The following NRAP variants were observed in gnomAD, a reference collection of about 807,000 sequenced individuals.
The protein encoded by NRAP is nebulin related anchoring protein.
A neutral mutation model predicts 225.9 loss-of-function variants in NRAP; 189 were observed. That is an observed-to-expected ratio of 0.84 (90% CI 0.74 to 0.94). NRAP has a LOEUF of 0.94. Among genes scored for constraint, NRAP ranks in the 40% least tolerant of loss-of-function variants. NRAP has a pLI of 0.00. For synonymous variants in NRAP, 769 were observed against 790.7 expected, an observed-to-expected ratio of 0.97 and a Z score of 0.46; for missense variants, 2,176 against 2,168.7, an observed-to-expected ratio of 1.00 and a Z score of -0.07.
intron 4 of NRAP, among the ~76,000 whole-genome samples, chr10:113,656,978 G>A (rs1048527526): frequency 6.6e-6 from 1 of 152,120 alleles, no homozygotes; most frequent in African/African-American, 2.4e-5. Context: ...AAGGAATTCT[G>A]AAATGATGAG....
At chr10:113,638,371 T>C (rs1164771880) in intron 14 of NRAP, among the ~76,000 whole-genome samples, 2 of 152,224 alleles carry the variant, frequency 1.3e-5, no homozygotes, top group Admixed American at 1.3e-4. Flanking sequence ...CTCATTTTAA[T>C]TCTATTAGTG....
intron 16 of NRAP, 121 bp from the exon 17 acceptor site, chr10:113,632,085 TTA>T: frequency 1.5e-6 from 1 of 678,298 alleles, no homozygotes; most frequent in Non-Finnish European, 2.7e-6. Context: ...TCGGCTGTTG[TTA>T]TCAAAATGAT....
intron 18 of NRAP, 59 bp downstream of exon 18, chr10:113,631,450 G>A (rs2134035104): frequency 9.3e-7 from 1 of 1,072,766 alleles, no homozygotes; most frequent in Non-Finnish European, 1.4e-6. Flanking sequence ...TAGGCCCAGG[G>A]AAAACTTTTA....
intron 29 of NRAP, 39 bp from the exon 30 acceptor site, chr10:113,612,470 C>A: frequency 6.4e-7 from 1 of 1,560,038 alleles, no homozygotes; most frequent in Non-Finnish European, 8.8e-7. Context: ...TATTTCAAAG[C>A]CACTATTTGC....
chr10:113,652,341 G>T (rs1850028219), intron 6 of NRAP, among the ~76,000 whole-genome samples: 1 of 152,116 alleles, frequency 6.6e-6, no homozygotes, highest in African/African-American at 2.4e-5. Flanking sequence ...CTGACATCCA[G>T]TTAAAAATTA....
rs773251144 is a variant in NRAP, at chr10:113,612,266, A to C, written c.3466T>G (p.Cys1156Gly). The change falls in exon 30 of 42, where the codon TGT becomes GGT. Residue 1156 changes from cysteine (C) to glycine (G), a missense_variant. By Grantham distance (159) the Cys-to-Gly change is radical. This residue lies in a region of NRAP where 1,708 missense variants were observed against 1,695.5 expected (regional missense o/e 1.01). Coordinates refer to ENST00000359988, the MANE Select transcript of NRAP (RefSeq NM_198060.4). ...TGCAATTTGTGAGCTTTCTTGGCAC[A>C]GCTCAGCCTCAGGTCTTCTGCCAAG... is the stretch of plus-strand genomic sequence containing the variant. The part of the protein sequence containing the change: ...TSLAEDLRLS[C>G]AKKAHKLQSE... The C allele has an allele frequency of 1.3e-5, 21 of 1,614,062 alleles. No homozygotes were observed. The highest frequency in any genetic ancestry group is 6.7e-5 in the Admixed American group (4 of 60,002).
At position 113,594,480 on chromosome 10, in the gene NRAP, T is replaced by C. The variant is rs368437768; in HGVS notation, c.4536+1143A>G. Among the ~76,000 whole-genome samples, 8 of 152,284 alleles carry C rather than the reference T, an allele frequency of 5.3e-5. No homozygotes were observed. In the East Asian group the frequency reaches 1.2e-3, roughly 22 times the overall value. ...GCACTGGCAGCTTTATCCCACTTTC[T>C]ACAGCGATGGGTCTCCAATCGTTCC... On this transcript the variant is annotated intron_variant, in intron 38 of 41. Transcript: ENST00000359988.
At chr10:113,637,520 T>C (rs1216511403) in intron 14 of NRAP, among the ~76,000 whole-genome samples, 3 of 152,234 alleles carry the variant, frequency 2.0e-5, no homozygotes, top group African/African-American at 7.2e-5. Flanking sequence ...GGGAAATGCA[T>C]TCTAGAAACA....
At chr10:113,661,565 AAACTTCATCCCACAGAGC>A (rs1329214383) in intron 3 of NRAP, among the ~76,000 whole-genome samples, 1 of 152,158 alleles carries the variant, frequency 6.6e-6, no homozygotes, top group Non-Finnish European at 1.5e-5. Flanking sequence ...AAAGCCACTA[AAACTTCATCCCACAGAGC>A]AACTTCTTGT....
chr10:113,641,223 A>G (rs985139105), intron 13 of NRAP, 142 bp downstream of exon 13: 67 of 525,642 alleles, frequency 1.3e-4, no homozygotes, highest in Non-Finnish European at 3.0e-5. Context: ...GCTAACATTT[A>G]GAAACTCTTT....
chr10:113,634,026 C>A, intron 15 of NRAP, 86 bp downstream of exon 15: 1 of 840,694 alleles, frequency 1.2e-6, no homozygotes, highest in Non-Finnish European at 2.0e-6. Context: ...TTATGAAAGT[C>A]AAATCCTTGG....
chr10:113,659,535 G>A (rs1372636485), intron 3 of NRAP, among the ~76,000 whole-genome samples: 1 of 152,146 alleles, frequency 6.6e-6, no homozygotes, highest in Admixed American at 6.5e-5. Context: ...GGGAGGGTTT[G>A]CCTCCCCTAG....
chr10:113,614,455 G>C (rs1847523107), intron 28 of NRAP, among the ~76,000 whole-genome samples, 159 bp from the exon 29 acceptor site: 1 of 152,192 alleles, frequency 6.6e-6, no homozygotes, highest in African/African-American at 2.4e-5. Flanking sequence ...TCTTTCATAT[G>C]CAAGACTCCC....
chr10:113,647,134 T>C, intron 9 of NRAP, 107 bp from the exon 10 acceptor site: 1 of 756,530 alleles, frequency 1.3e-6, no homozygotes, highest in Non-Finnish European at 2.4e-6. Flanking sequence ...TTCATCCACC[T>C]TGGGTATTTC....
At chr10:113,652,861 T>A in intron 6 of NRAP, 74 bp downstream of exon 6, 1 of 978,320 alleles carries the variant, frequency 1.0e-6, no homozygotes, top group Admixed American at 1.9e-5. Flanking sequence ...TTACTGTTTT[T>A]TCCCTAAATC....
At chr10:113,601,004 T>A (rs540199497) in intron 35 of NRAP, among the ~76,000 whole-genome samples, 1 of 152,158 alleles carries the variant, frequency 6.6e-6, no homozygotes. Context: ...ACTGTCTCCG[T>A]GACATTTCCT....
chr10:113,588,982 A>G lies in NRAP; in HGVS notation c.5186T>C (p.Leu1729Pro). 1.2e-6 allele frequency: 2 copies of G among 1,613,140 alleles called. No individual in the cohort carries two copies. The highest frequency in any genetic ancestry group is 1.7e-4 in the Middle Eastern group (1 of 6,058). The change falls in exon 42 of 42, where the codon CTG (leucine) becomes CCG (proline). Residue 1729 changes from leucine (L) to proline (P), a missense_variant. Coordinates refer to ENST00000359988, the MANE Select transcript of NRAP (RefSeq NM_198060.4). The part of the protein sequence containing the change: ...ILHVKKKKAL[L>P]L Reference sequence around the variant, plus strand: ...AATCAGGGTGGACATGGCTCACAACAGCAGGGCCTTCTTCTTTTTGACGTG... The same window carrying G: ...AATCAGGGTGGACATGGCTCACAACGGCAGGGCCTTCTTCTTTTTGACGTG...
chr10:113,643,407 G>A (rs556924691), intron 11 of NRAP, among the ~76,000 whole-genome samples: 3 of 152,330 alleles, frequency 2.0e-5, no homozygotes, highest in African/African-American at 7.2e-5. Context: ...GAGGATGTCT[G>A]GTCGTATTCT....
At position 113,597,179 on chromosome 10, in the gene NRAP, C is replaced by T. The variant is rs142515035; in HGVS notation, c.4338G>A (p.Lys1446=). 5 of 1,602,634 alleles carry T rather than the reference C, an allele frequency of 3.1e-6. No homozygotes were observed. Among genetic ancestry groups the T allele is most frequent in the African/African-American group, 2.7e-5 (2 of 74,692 alleles). ...KKAGELISET[K]YRKKPDSIKF... The stretch of plus-strand genomic sequence containing the variant: ...TGATACTGTCTGGTTTTTTACGGTA[C>T]TTGGTCTATAAGATAAAGACAAAGA... Residue 1446 remains lysine, a synonymous_variant, in exon 37 of 42, where the codon AAG becomes AAA. Transcript: ENST00000359988.
Sources: allele counts gnomAD v4.1 joint callset (sites outside exome capture counted in the v4.1 genomes callset), GRCh38; gene constraint gnomAD v4.1.1; regional missense constraint gnomAD v4.1.1; transcripts MANE v1.5; gene names NCBI Gene and HGNC (gene_info 2026-07-23, HGNC 2026-07-21).